Variants in ADCY3 observed in about 807,000 individuals in gnomAD.
ADCY3 encodes the protein adenylate cyclase 3, also known as adenylate cyclase type 3.
Under a neutral mutation model 119.4 loss-of-function variants are expected in ADCY3, and 70 were observed. The observed-to-expected ratio is 0.59, with a 90% CI of 0.48 to 0.72. The LOEUF (loss-of-function observed/expected upper bound fraction) is 0.72, where lower values mean the gene tolerates loss of function less well. Among genes scored for constraint, ADCY3 ranks in the 30% least tolerant of loss-of-function variants. ADCY3 has a pLI of 0.00. For synonymous variants in ADCY3, 672 were observed against 621.4 expected (o/e 1.08, Z -1.21); for missense variants, 1,238 against 1,541.6 (o/e 0.80, Z 3.30).
rs375755542 is a variant in ADCY3 at position 24,821,632 on chromosome 2, C to T, written c.3012G>A (p.Lys1004=). The change falls in exon 20 of 22, where the codon AAG becomes AAA. Residue 1004 remains lysine (K), a synonymous_variant. Coordinates refer to ENST00000679454, the MANE Select transcript of ADCY3 (RefSeq NM_004036.5). The part of the protein sequence containing the change: ...NGFASSNKED[K]SERERWQHLA... ...GGTGCTGCCAGCGCTCTCTCTCGGACTTGTCTTCCTGTGCCAGGGGACCGT... is the reference window on the plus strand; with the variant it reads ...GGTGCTGCCAGCGCTCTCTCTCGGATTTGTCTTCCTGTGCCAGGGGACCGT... 5.0e-6 allele frequency: 8 copies of T among 1,613,908 alleles called. No homozygotes were observed. The highest frequency in any genetic ancestry group is 1.1e-5 in the South Asian group (1 of 91,088).
At chr2:24,879,119 G>A (rs548017327) in intron 2 of ADCY3, among the ~76,000 whole-genome samples, 1 of 152,254 alleles carries the variant, frequency 6.6e-6, no homozygotes, top group East Asian at 1.9e-4. Flanking sequence ...GGAGCAAGTC[G>A]CCTGCCTCTC....
chr2:24,843,003 G>C (rs1239708459), intron 3 of ADCY3, among the ~76,000 whole-genome samples: 2 of 152,216 alleles, frequency 1.3e-5, no homozygotes, highest in African/African-American at 2.4e-5. Context: ...GTCGGCCGGG[G>C]AGGAGGCATC....
chr2:24,838,942 T>TC (rs1491226316), intron 7 of ADCY3: 3 of 190,798 alleles, frequency 1.6e-5, no homozygotes, highest in African/African-American at 1.1e-4. Context: ...CGATAAGGAA[T>TC]TTTTTTTTTT....
intron 15 of ADCY3, chr2:24,826,847 A>G (rs1398419166): frequency 6.6e-6 from 1 of 152,666 alleles, no homozygotes; most frequent in Non-Finnish European, 1.5e-5. Context: ...TAAATAGATC[A>G]AAATATTTTC....
intron 2 of ADCY3, among the ~76,000 whole-genome samples, chr2:24,911,006 T>C (rs1017554027): frequency 1.3e-5 from 2 of 152,042 alleles, no homozygotes; most frequent in Non-Finnish European, 2.9e-5. Flanking sequence ...TGTCCTATAA[T>C]GTAACAACGC....
chr2:24,840,063 G>A lies in ADCY3; in HGVS notation c.1197-32C>T, dbSNP rs770744944. The A allele has an allele frequency of 3.2e-6, 5 of 1,585,524 alleles. No individual in the cohort carries two copies. In the Admixed American group the frequency reaches 6.8e-5, roughly 22 times the overall value. On this transcript the variant is annotated intron_variant, in intron 6 of 21. Coordinates refer to ENST00000679454, the MANE Select transcript of ADCY3 (RefSeq NM_004036.5). ...GGTACACACAGAAAGGAGGGTCAGGGTGTGGCCTTCACGAGGCAGCCAGCT... is the reference window on the plus strand; with the variant it reads ...GGTACACACAGAAAGGAGGGTCAGGATGTGGCCTTCACGAGGCAGCCAGCT...
intron 2 of ADCY3, among the ~76,000 whole-genome samples, chr2:24,895,846 TTTTATC>T (rs1678206850): frequency 6.6e-6 from 1 of 152,118 alleles, no homozygotes; most frequent in Non-Finnish European, 1.5e-5. Context: ...GGGTGGAATA[TTTTATC>T]TTTATGTGCT....
chr2:24,831,932 T>TGGACAGG (rs1553336759), intron 11 of ADCY3, among the ~76,000 whole-genome samples, 183 bp from the exon 12 acceptor site: 117 of 83,124 alleles, frequency 1.4e-3, no homozygotes, highest in Non-Finnish European at 2.4e-3. Flanking sequence ...CAGCGGACAG[T>TGGACAGG]GGCCAGGGGA....
chr2:24,885,971 T>C (rs6743996), intron 2 of ADCY3, among the ~76,000 whole-genome samples: 1 of 152,078 alleles, frequency 6.6e-6, no homozygotes, highest in South Asian at 2.1e-4. Flanking sequence ...GCTCTTAAAC[T>C]TCCCCACGAA....
At chr2:24,884,424 T>C (rs1210731183) in intron 2 of ADCY3, among the ~76,000 whole-genome samples, 1 of 151,334 alleles carries the variant, frequency 6.6e-6, no homozygotes, top group East Asian at 1.9e-4. Context: ...CCTATGCCTA[T>C]CCCCTATTTT....
intron 3 of ADCY3, among the ~76,000 whole-genome samples, chr2:24,852,567 G>A (rs1672447283): frequency 6.6e-6 from 1 of 152,234 alleles, no homozygotes; most frequent in Admixed American, 6.5e-5. Flanking sequence ...CGGCCTCAGA[G>A]CAGGCATGAG....
chr2:24,836,001 A>G (rs951524793), intron 9 of ADCY3, among the ~76,000 whole-genome samples: 1 of 151,364 alleles, frequency 6.6e-6, no homozygotes, highest in African/African-American at 2.4e-5. Flanking sequence ...TGACAGTTTG[A>G]CCCCAGATAA....
chr2:24,895,379 G>A (rs762807871), intron 2 of ADCY3, among the ~76,000 whole-genome samples: 14 of 152,166 alleles, frequency 9.2e-5, no homozygotes, highest in Middle Eastern at 3.4e-3. Context: ...GAGCCACCAC[G>A]CCTGACCAAT....
intron 3 of ADCY3, among the ~76,000 whole-genome samples, chr2:24,850,882 T>C (rs1424641469): frequency 2.0e-5 from 3 of 152,054 alleles, no homozygotes; most frequent in South Asian, 2.1e-4. Context: ...GGGACAAAAT[T>C]GTGTTCTGTG....
chr2:24,868,868 A>C (rs1558476518), intron 3 of ADCY3, among the ~76,000 whole-genome samples: 2 of 150,706 alleles, frequency 1.3e-5, no homozygotes, highest in South Asian at 4.2e-4. Flanking sequence ...AAAAAAATAC[A>C]AAAAAATTAG....
At chr2:24,859,366 C>T (rs941792445) in intron 3 of ADCY3, among the ~76,000 whole-genome samples, 4 of 152,216 alleles carry the variant, frequency 2.6e-5, no homozygotes, top group Non-Finnish European at 5.9e-5. Flanking sequence ...TAGTGGTCCC[C>T]CTGCCCCGAC....
chr2:24,839,870 C>A lies in ADCY3; in HGVS notation c.1355+3G>T. 6.2e-7 allele frequency: 1 copy of A among 1,613,772 alleles called. No homozygotes were observed. Among genetic ancestry groups the A allele is most frequent in the Non-Finnish European group, 8.5e-7 (1 of 1,179,996 alleles). On this transcript the variant is annotated splice_donor_region_variant and intron_variant, in intron 7 of 21. Coordinates refer to ENST00000679454, the MANE Select transcript of ADCY3 (RefSeq NM_004036.5). ...AAACCTGCCCCCTTGGAATGGCACT[C>A]ACCCAGGGATGCCGCCGGCCTCCAT... is the stretch of plus-strand genomic sequence containing the variant.
At chr2:24,860,932 C>T (rs1188634332) in intron 3 of ADCY3, among the ~76,000 whole-genome samples, 1 of 152,224 alleles carries the variant, frequency 6.6e-6, no homozygotes, top group African/African-American at 2.4e-5. Context: ...TGCCCTTCAG[C>T]CGCACACTCT....
intron 2 of ADCY3, among the ~76,000 whole-genome samples, chr2:24,877,435 C>T (rs918027568): frequency 3.3e-5 from 5 of 152,152 alleles, no homozygotes; most frequent in African/African-American, 7.2e-5. Flanking sequence ...CCAGTCCACC[C>T]CCGCCTGAAG....
Sources: allele counts gnomAD v4.1 joint callset (sites outside exome capture counted in the v4.1 genomes callset), GRCh38; gene constraint gnomAD v4.1.1; transcripts MANE v1.5; gene names NCBI Gene and HGNC (gene_info 2026-07-23, HGNC 2026-07-21).